ZNF462: variants seen among roughly 807,000 people sequenced by gnomAD.
ZNF462 encodes the protein zinc finger PBX1-interacting protein.
ZNF462 carries 10 observed loss-of-function variants against 201.9 expected under a neutral mutation model. The observed-to-expected ratio is 0.05, with a 90% CI of 0.03 to 0.08. The LOEUF (loss-of-function observed/expected upper bound fraction) is 0.08, where lower values mean the gene tolerates loss of function less well. ZNF462 is among the 10% of genes least tolerant of loss of function. The pLI, the probability that ZNF462 is intolerant of heterozygous loss-of-function variation, is 1.00. For missense variants in ZNF462, 2,523 were observed against 3,168.3 expected (o/e 0.80, Z 4.89); for synonymous variants, 1,227 against 1,193.3 (o/e 1.03, Z -0.58).
In ZNF462 at chr9:106,950,555, G is replaced by A. The variant is rs1422099938; in HGVS notation, c.6427+11448G>A. Among the ~76,000 whole-genome samples the A allele has an allele frequency of 6.6e-6, 1 of 152,176 alleles. No individual in the cohort carries two copies. The highest frequency in any genetic ancestry group is 1.5e-5 in the Non-Finnish European group (1 of 68,022). On this transcript the variant is annotated intron_variant, in intron 7 of 12. Transcript: ENST00000277225. This position sits in a 1 kb window ranked among gnomAD's most constrained non-coding sequence, Gnocchi z 4.1. ...AAATTCACATCTACCTTGCATGTAA[G>A]CAAGAGTAATGCCATCAATATGTCT...
rs2131322030 is a variant in ZNF462 at position 106,913,113 on chromosome 9, A to G, written c.-30-10241A>G. ...TAGGTGGAACAATGCAGCCAGAGGC[A>G]GCTTCTCCATGGATGATGAGGAAAA... is the stretch of plus-strand genomic sequence containing the variant. On this transcript the variant is annotated intron_variant, in intron 1 of 12. Transcript: ENST00000277225. This position sits in a 1 kb window ranked among gnomAD's most constrained non-coding sequence, Gnocchi z 4.1. Among the ~76,000 whole-genome samples the G allele has an allele frequency of 6.6e-6, 1 of 152,342 alleles. No individual in the cohort carries two copies. The highest frequency in any genetic ancestry group is 2.4e-5 in the African/African-American group (1 of 41,580).
rs1831273233 is a variant in ZNF462 at position 106,950,046 on chromosome 9, G to A, written c.6427+10939G>A. 1.3e-5 allele frequency among the ~76,000 whole-genome samples: 2 copies of A among 152,132 alleles called. No homozygotes were observed. Among genetic ancestry groups the A allele is most frequent in the South Asian group, 2.1e-4 (1 of 4,822 alleles). Reference sequence around the variant, plus strand: ...CAAAGGGGCTTTCTCCAGCATCCTGGTTTCTCTCGTCCCCTCGTCCTCTGG... The same window carrying A: ...CAAAGGGGCTTTCTCCAGCATCCTGATTTCTCTCGTCCCCTCGTCCTCTGG... On this transcript the variant is annotated intron_variant, in intron 7 of 12. Coordinates refer to ENST00000277225, the MANE Select transcript of ZNF462 (RefSeq NM_021224.6). This position sits in a 1 kb window ranked among gnomAD's most constrained non-coding sequence, Gnocchi z 4.1.
chr9:106,881,687 C>G (rs1476011729), intron 1 of ZNF462, among the ~76,000 whole-genome samples: 4 of 152,108 alleles, frequency 2.6e-5, no homozygotes, highest in Non-Finnish European at 5.9e-5. Context: ...TTGAGGGCTC[C>G]TTGAAGCTTG....
At position 106,981,170 on chromosome 9, in the gene ZNF462, A is replaced by G. The variant is rs1298577307; in HGVS notation, c.6833-3016A>G. 6.6e-6 allele frequency among the ~76,000 whole-genome samples: 1 copy of G among 152,204 alleles called. No homozygotes were observed. The highest frequency in any genetic ancestry group is 1.5e-5 in the Non-Finnish European group (1 of 68,026). ...AGATTTGGTAGACTGGCATTGTCTT[A>G]GTTTGGAAATGGGAAGTTCTAGATT... On this transcript the variant is annotated intron_variant, in intron 9 of 12. Transcript: ENST00000277225. This position sits in a 1 kb window ranked among gnomAD's most constrained non-coding sequence, Gnocchi z 4.0.
rs1564084670 is a variant in ZNF462 at position 106,899,245 on chromosome 9, G to GTA, written c.-30-24109_-30-24108insTA. Among the ~76,000 whole-genome samples the GTA allele has an allele frequency of 6.6e-3, 931 of 141,838 alleles. 24 individuals carry two copies. The highest frequency in any genetic ancestry group is 0.023 in the African/African-American group (886 of 38,826). The allele number at this position is 141,838 out of a possible 152,430, so 93.1% of individuals were successfully genotyped here. A position where few individuals can be genotyped will look rare whatever the true frequency, so the allele number is the denominator to read the frequency against. On this transcript the variant is annotated intron_variant, in intron 1 of 12. Transcript: ENST00000277225. ...GTGTGTATGTGTGTGTGTGTGGGGG[G>GTA]GGGGGGGTGTGTGCATGCATGCATG...
In ZNF462 at chr9:107,009,566, A is replaced by G. The variant is rs1829801666; in HGVS notation, c.7211A>G (p.His2404Arg). 1 of 1,613,812 alleles carries G rather than the reference A, an allele frequency of 6.2e-7. No individual in the cohort carries two copies. Among genetic ancestry groups the G allele is most frequent in the East Asian group, 2.2e-5 (1 of 44,846 alleles). The change falls in exon 12 of 13, where the codon CAC becomes CGC. Residue 2404 changes from histidine to arginine, a missense_variant. Coordinates refer to ENST00000277225, the MANE Select transcript of ZNF462 (RefSeq NM_021224.6). The surrounding 1 kb of genome is among the most constrained non-coding windows in gnomAD (Gnocchi z 6.1). ...EDRELMRFSD[H>R]GAALNTEKRF... ...GCAGAGCTGATGAGATTTTCTGACC[A>G]CGGGGCTGCTCTTAACACTGAGAAG... is the stretch of plus-strand genomic sequence containing the variant.
intron 1 of ZNF462, among the ~76,000 whole-genome samples, chr9:106,864,230 G>C (rs1222477130): frequency 6.6e-6 from 1 of 151,958 alleles, no homozygotes; most frequent in African/African-American, 2.4e-5. Flanking sequence ...GCCGGGTGGG[G>C]GGCGCAGGTT....
At chr9:106,914,357 A>G (rs933638305) in intron 1 of ZNF462, among the ~76,000 whole-genome samples, 1 of 152,226 alleles carries the variant, frequency 6.6e-6, no homozygotes, top group Non-Finnish European at 1.5e-5. Context: ...TGTGCGTTGT[A>G]GAATGCTTAG....
rs1206862625 is a variant in ZNF462 at position 106,879,337 on chromosome 9, C to A, written c.-31+15982C>A. On this transcript the variant is annotated intron_variant, in intron 1 of 12. Transcript: ENST00000277225. The stretch of plus-strand genomic sequence containing the variant: ...AGCCTAGAGAGATGCTTTCCACCCC[C>A]CCCCCCACCCCCCACCTTGTCTCTT... 3.8e-5 allele frequency among the ~76,000 whole-genome samples: 4 copies of A among 105,462 alleles called. 1 individual carries two copies. Among genetic ancestry groups the A allele is most frequent in the Admixed American group, 1.1e-4 (1 of 8,726 alleles). 69.2% of individuals were successfully genotyped at this position (105,462 alleles called of 152,430 possible).
At chr9:106,961,896 A>G (rs776651001) in intron 7 of ZNF462, among the ~76,000 whole-genome samples, 4 of 152,054 alleles carry the variant, frequency 2.6e-5, no homozygotes, top group Non-Finnish European at 5.9e-5. Context: ...TAAGAAGGAT[A>G]TTGCAAGAAT....
At position 106,926,395 on chromosome 9, in the gene ZNF462, A is replaced by G. The variant is rs775560575; in HGVS notation, c.2483A>G (p.Glu828Gly). 7.4e-6 allele frequency: 12 copies of G among 1,614,224 alleles called. No homozygotes were observed. Among genetic ancestry groups the G allele is most frequent in the Non-Finnish European group, 1.0e-5 (12 of 1,180,044 alleles). ...LNTQTPIYGTEHNSENTDFGD... is the reference protein window; with the variant it reads ...LNTQTPIYGTGHNSENTDFGD... ...ACCCAAACTCCCATCTATGGGACTG[A>G]GCACAATAGTGAAAACACAGACTTT... is the stretch of plus-strand genomic sequence containing the variant. Residue 828 changes from glutamate to glycine, a missense_variant, in exon 3 of 13, where the codon GAG becomes GGG. Around this residue, in one of 15 missense-constraint regions of ZNF462, gnomAD observed 383 missense variants for 453.4 expected, o/e 0.84. Coordinates refer to ENST00000277225, the MANE Select transcript of ZNF462 (RefSeq NM_021224.6). The surrounding 1 kb of genome is among the most constrained non-coding windows in gnomAD (Gnocchi z 7.9).
upstream of ZNF462, among the ~76,000 whole-genome samples, chr9:106,861,145 A>C (rs548185837): frequency 1.5e-4 from 23 of 151,704 alleles, no homozygotes; most frequent in African/African-American, 5.6e-4. Context: ...CGAGCTTTTC[A>C]ATGTGAGTGG....
At position 107,003,221 on chromosome 9, in the gene ZNF462, A is replaced by G. The variant is rs953350796; in HGVS notation, c.7057-73A>G. 6.4e-6 allele frequency: 10 copies of G among 1,562,942 alleles called. No homozygotes were observed. Among genetic ancestry groups the G allele is most frequent in the Non-Finnish European group, 7.8e-6 (9 of 1,154,412 alleles). ...CAGTCACAGGAAAATGATGTTAGAA[A>G]GATCTCTCCATCAGGGAGAACCCCA... On this transcript the variant is annotated intron_variant, in intron 10 of 12. Coordinates refer to ENST00000277225, the MANE Select transcript of ZNF462 (RefSeq NM_021224.6). This position sits in a 1 kb window ranked among gnomAD's most constrained non-coding sequence, Gnocchi z 4.4.
At chr9:106,986,422 A>C (rs1202301738) in intron 10 of ZNF462, among the ~76,000 whole-genome samples, 1 of 152,156 alleles carries the variant, frequency 6.6e-6, no homozygotes, top group Admixed American at 6.6e-5. Flanking sequence ...CTTTCTCAGA[A>C]GTTTTGTAAG....
rs1396397239 is a variant in ZNF462 at position 106,883,589 on chromosome 9, A to G, written c.-31+20234A>G. Among the ~76,000 whole-genome samples the G allele has an allele frequency of 2.0e-5, 3 of 152,250 alleles. No individual in the cohort carries two copies. The highest frequency in any genetic ancestry group is 6.5e-5 in the Admixed American group (1 of 15,286). ...CCAAGGTTAGTGTTGAAGTACCCTAAGTAAAATTATTACTGCAAGGAAAGA... is the reference window on the plus strand; with the variant it reads ...CCAAGGTTAGTGTTGAAGTACCCTAGGTAAAATTATTACTGCAAGGAAAGA... On this transcript the variant is annotated intron_variant, in intron 1 of 12. Coordinates refer to ENST00000277225, the MANE Select transcript of ZNF462 (RefSeq NM_021224.6). The surrounding 1 kb of genome is among the most constrained non-coding windows in gnomAD (Gnocchi z 4.9).
intron 9 of ZNF462, among the ~76,000 whole-genome samples, chr9:106,980,946 C>A (rs1345842027): frequency 2.0e-5 from 3 of 152,172 alleles, no homozygotes; most frequent in Non-Finnish European, 4.4e-5. Flanking sequence ...GGAACCATTC[C>A]AGTTTTTAAC....
chr9:106,926,192 A>T lies in ZNF462; in HGVS notation c.2280A>T (p.Ile760=). 6.2e-7 allele frequency: 1 copy of T among 1,614,220 alleles called. No individual in the cohort carries two copies. Among genetic ancestry groups the T allele is most frequent in the Non-Finnish European group, 8.5e-7 (1 of 1,180,034 alleles). The change falls in exon 3 of 13, where the codon ATA becomes ATT. Residue 760 remains isoleucine, a synonymous_variant. Coordinates refer to ENST00000277225, the MANE Select transcript of ZNF462 (RefSeq NM_021224.6). The surrounding 1 kb of genome is among the most constrained non-coding windows in gnomAD (Gnocchi z 7.9). ...CCACTTCCTTTTCTGCCCAACAGATATGGGTAAGAGATACCAGTGAGCCCC... is the reference window on the plus strand; with the variant it reads ...CCACTTCCTTTTCTGCCCAACAGATTTGGGTAAGAGATACCAGTGAGCCCC... The part of the protein sequence containing the change: ...EVPTSFSAQQ[I]WVRDTSEPQK...
rs146223075 is a variant in ZNF462, at chr9:106,981,892, G to A, written c.6833-2294G>A. 1.3e-4 allele frequency among the ~76,000 whole-genome samples: 20 copies of A among 152,274 alleles called. No homozygotes were observed. The highest frequency in any genetic ancestry group is 9.7e-4 in the East Asian group (5 of 5,176). ...GTTCTTCTTCACCGTAGAGGTCAAC[G>A]GAACCAAGGCAGGCAGGACAGGGCA... On this transcript the variant is annotated intron_variant, in intron 9 of 12. Coordinates refer to ENST00000277225, the MANE Select transcript of ZNF462 (RefSeq NM_021224.6). The surrounding 1 kb of genome is among the most constrained non-coding windows in gnomAD (Gnocchi z 4.0).
At position 106,966,049 on chromosome 9, in the gene ZNF462, CTT is replaced by C. The variant is rs1832056007; in HGVS notation, c.6428-5954_6428-5953del. On this transcript the variant is annotated intron_variant, in intron 7 of 12. Transcript: ENST00000277225. This position sits in a 1 kb window ranked among gnomAD's most constrained non-coding sequence, Gnocchi z 4.4. ...TTTGGGTTCTCCCTCAACCTCCTCA[CTT>C]TGGGCATTTACAATATCTTAAGTTA... is the stretch of plus-strand genomic sequence containing the variant. 6.6e-6 allele frequency among the ~76,000 whole-genome samples: 1 copy of C among 152,098 alleles called. No homozygotes were observed.
Sources: allele counts gnomAD v4.1 joint callset (sites outside exome capture counted in the v4.1 genomes callset), GRCh38; gene constraint gnomAD v4.1.1; regional missense constraint gnomAD v4.1.1; non-coding constraint Gnocchi (gnomAD v3.1); transcripts MANE v1.5; gene names NCBI Gene and HGNC (gene_info 2026-07-23, HGNC 2026-07-21).